Variants in ARHGAP15 observed in about 807,000 individuals in gnomAD.
The protein encoded by ARHGAP15 is Rho GTPase activating protein 15.
A neutral mutation model predicts 63.7 loss-of-function variants in ARHGAP15; 51 were observed. The observed-to-expected ratio is 0.80, with a 90% CI of 0.64 to 1.01. The LOEUF (loss-of-function observed/expected upper bound fraction) is 1.01. Among genes scored for constraint, ARHGAP15 ranks in the 50% least tolerant of loss-of-function variants. The pLI, the probability that ARHGAP15 is intolerant of heterozygous loss-of-function variation, is 0.00. For synonymous variants in ARHGAP15, 191 were observed against 193.8 expected, an observed-to-expected ratio of 0.99 and a Z score of 0.12; for missense variants, 560 against 564.6, an observed-to-expected ratio of 0.99 and a Z score of 0.08.
At chr2:143,388,514 G>C (rs1687397874) in intron 6 of ARHGAP15, among the ~76,000 whole-genome samples, 1 of 152,180 alleles carries the variant, frequency 6.6e-6, no homozygotes, top group South Asian at 2.1e-4. Flanking sequence ...TGGGCCTTCA[G>C]ACAAAGAAAG....
intron 6 of ARHGAP15, 32 bp downstream of exon 6, chr2:143,250,632 T>G: frequency 6.4e-7 from 1 of 1,557,628 alleles, no homozygotes. Context: ...AATTTATTCC[T>G]ATTCTCTCTA....
chr2:143,435,323 G>T, intron 6 of ARHGAP15: 1 of 1,076,966 alleles, frequency 9.3e-7, no homozygotes, highest in Non-Finnish European at 1.1e-6. Flanking sequence ...GAACTTCCTG[G>T]CTTGTTTCTC....
At chr2:143,469,792 A>G (rs1691427552) in intron 8 of ARHGAP15, among the ~76,000 whole-genome samples, 1 of 152,202 alleles carries the variant, frequency 6.6e-6, no homozygotes, top group South Asian at 2.1e-4. Context: ...ATATTTTTAA[A>G]ATTAATACTA....
chr2:143,324,017 C>T (rs1208332747), intron 6 of ARHGAP15, among the ~76,000 whole-genome samples: 1 of 148,994 alleles, frequency 6.7e-6, no homozygotes, highest in African/African-American at 2.5e-5. Flanking sequence ...GAAAAACTAT[C>T]TGAAGAGATG....
Position 143,143,563 on chromosome 2 carries a change from C to CTTTTTTTTTT in ARHGAP15, c.-14-11911_-14-11910insTTTTTTTTTT, listed in dbSNP as rs753991992. ...GGTCTTTATCAAGGAGAGCTATTTT[C>CTTTTTTTTTT]TTTCTTTTTTTTTTTTTTGTCCCTC... On this transcript the variant is annotated intron_variant, in intron 1 of 13. Transcript: ENST00000295095. Among the ~76,000 whole-genome samples, 2 of 114,388 alleles carry CTTTTTTTTTT rather than the reference C, an allele frequency of 1.7e-5. 1 individual carries two copies. The highest frequency in any genetic ancestry group is 3.7e-5 in the Non-Finnish European group (2 of 54,702). The allele number at this position is 114,388 out of a possible 152,430, so 75.0% of individuals were successfully genotyped here.
chr2:143,638,872 T>C (rs1393304868), intron 12 of ARHGAP15, among the ~76,000 whole-genome samples: 1 of 152,034 alleles, frequency 6.6e-6, no homozygotes, highest in Non-Finnish European at 1.5e-5. Context: ...ATACTTACCA[T>C]ACTTTTACTT....
At chr2:143,447,802 T>A (rs530103565) in intron 8 of ARHGAP15, among the ~76,000 whole-genome samples, 3 of 152,124 alleles carry the variant, frequency 2.0e-5, no homozygotes, top group Non-Finnish European at 4.4e-5. Context: ...ACCGAGAGCA[T>A]GAGAGGGGAA....
At chr2:143,576,523 G>A (rs1696687313) in intron 11 of ARHGAP15, among the ~76,000 whole-genome samples, 1 of 151,966 alleles carries the variant, frequency 6.6e-6, no homozygotes. Context: ...TTAAGATATT[G>A]GATTAAGAAA....
At chr2:143,436,800 A>G in intron 7 of ARHGAP15, 113 bp from the exon 8 acceptor site, 1 of 1,090,862 alleles carries the variant, frequency 9.2e-7, no homozygotes, top group Non-Finnish European at 1.3e-6. Context: ...CCTATCCTCA[A>G]ATAATTACCT....
intron 12 of ARHGAP15, among the ~76,000 whole-genome samples, chr2:143,699,947 A>G (rs984811984): frequency 6.6e-6 from 1 of 152,214 alleles, no homozygotes; most frequent in Non-Finnish European, 1.5e-5. Flanking sequence ...GCTAATAAAA[A>G]GCTGTTACAG....
chr2:143,662,233 T>C (rs1462464632), intron 12 of ARHGAP15, among the ~76,000 whole-genome samples: 5 of 151,904 alleles, frequency 3.3e-5, no homozygotes, highest in Non-Finnish European at 5.9e-5. Context: ...ACGGGCAGAC[T>C]GCCTCCTCAA....
At chr2:143,332,819 A>T (rs1031649176) in intron 6 of ARHGAP15, among the ~76,000 whole-genome samples, 1 of 152,126 alleles carries the variant, frequency 6.6e-6, no homozygotes, top group Non-Finnish European at 1.5e-5. Context: ...CCCAAACTTC[A>T]GGCAATGATA....
intron 6 of ARHGAP15, among the ~76,000 whole-genome samples, chr2:143,313,455 G>C (rs182008715): frequency 3.3e-5 from 5 of 152,100 alleles, no homozygotes; most frequent in African/African-American, 1.2e-4. Flanking sequence ...TAGTTATTCT[G>C]ACATGGTCAT....
At chr2:143,398,131 T>C (rs1687849343) in intron 6 of ARHGAP15, among the ~76,000 whole-genome samples, 1 of 152,144 alleles carries the variant, frequency 6.6e-6, no homozygotes, top group African/African-American at 2.4e-5. Flanking sequence ...TCAGATTTCA[T>C]ACTCCTCAGC....
intron 10 of ARHGAP15, among the ~76,000 whole-genome samples, chr2:143,549,358 T>C (rs1478859180): frequency 6.6e-6 from 1 of 152,062 alleles, no homozygotes; most frequent in Non-Finnish European, 1.5e-5. Context: ...AAAGGTGCCA[T>C]CAGCAGATGA....
intron 6 of ARHGAP15, among the ~76,000 whole-genome samples, chr2:143,304,185 A>G (rs574536926): frequency 6.6e-6 from 1 of 152,036 alleles, no homozygotes; most frequent in Non-Finnish European, 1.5e-5. Flanking sequence ...TTCACAATAG[A>G]AAAGACTTGG....
At chr2:143,722,737 T>C (rs904476281) in intron 13 of ARHGAP15, among the ~76,000 whole-genome samples, 2 of 152,218 alleles carry the variant, frequency 1.3e-5, no homozygotes, top group Non-Finnish European at 2.9e-5. Flanking sequence ...GAGATTTGGA[T>C]GTTCCATGGA....
chr2:143,401,517 A>G (rs1490838732), intron 6 of ARHGAP15, among the ~76,000 whole-genome samples: 3 of 152,018 alleles, frequency 2.0e-5, no homozygotes, highest in Non-Finnish European at 4.4e-5. Context: ...AATATTTCTA[A>G]AAAATGAATT....
At chr2:143,144,688 C>G (rs1411397836) in intron 1 of ARHGAP15, among the ~76,000 whole-genome samples, 1 of 151,996 alleles carries the variant, frequency 6.6e-6, no homozygotes, top group Non-Finnish European at 1.5e-5. Context: ...TATTTACTTA[C>G]CTGCTTAGCT....
Sources: gnomAD v4.1 joint callset for allele counts (sites outside exome capture counted in the v4.1 genomes callset) on GRCh38, gnomAD v4.1.1 for gene constraint, MANE v1.5 for transcripts, NCBI Gene and HGNC (gene_info 2026-07-23, HGNC 2026-07-21) for gene names.